The following KIF13A variants were observed in gnomAD, a reference collection of about 807,000 sequenced individuals.
The protein encoded by KIF13A is kinesin family member 13A.
A neutral mutation model predicts 212.2 loss-of-function variants in KIF13A; 79 were observed. That is an observed-to-expected ratio of 0.37 (90% CI 0.31 to 0.45). The LOEUF (loss-of-function observed/expected upper bound fraction) is 0.45, where lower values mean the gene tolerates loss of function less well. Among genes scored for constraint, KIF13A ranks in the 20% least tolerant of loss-of-function variants. KIF13A has a pLI of 1.00. For missense variants in KIF13A, 1,901 were observed against 2,209.0 expected (o/e 0.86, Z 2.79); for synonymous variants, 789 against 808.6 (o/e 0.98, Z 0.41).
chr6:17,822,815 A>T (rs532800056), intron 16 of KIF13A, among the ~76,000 whole-genome samples: 1 of 152,314 alleles, frequency 6.6e-6, no homozygotes, highest in African/African-American at 2.4e-5. Context: ...TGTGATTCTG[A>T]TGTCTGAACG....
intron 2 of KIF13A, among the ~76,000 whole-genome samples, chr6:17,902,373 C>T (rs925534687): frequency 1.2e-4 from 18 of 152,120 alleles, no homozygotes; most frequent in African/African-American, 1.9e-4. Context: ...AAACTAAATA[C>T]AATTTGACAT....
intron 2 of KIF13A, among the ~76,000 whole-genome samples, chr6:17,930,607 G>A (rs779196939): frequency 1.3e-5 from 2 of 152,202 alleles, no homozygotes; most frequent in Non-Finnish European, 2.9e-5. Context: ...ATGGAAGGTA[G>A]ACTAGAAGAA....
chr6:17,872,151 T>C lies in KIF13A; in HGVS notation c.220+1226A>G, dbSNP rs372601213. Among the ~76,000 whole-genome samples the C allele has an allele frequency of 1.3e-5, 2 of 152,214 alleles. No homozygotes were observed. The highest frequency in any genetic ancestry group is 2.9e-5 in the Non-Finnish European group (2 of 68,032). On this transcript the variant is annotated intron_variant, in intron 4 of 38. Transcript: ENST00000259711. This position sits in a 1 kb window ranked among gnomAD's most constrained non-coding sequence, Gnocchi z 4.7. The stretch of plus-strand genomic sequence containing the variant: ...TACCCAGTGTGAGCAACTGAAGGAA[T>C]TCTCCTAGTCCAAGATTGTTAACTC...
At chr6:17,762,733 T>C (rs79315679), downstream of KIF13A, among the ~76,000 whole-genome samples, 899 of 152,316 alleles carry the variant, frequency 5.9e-3, 10 homozygotes, top group Middle Eastern at 0.034. Flanking sequence ...AATGCATGTA[T>C]TGCTTGCAAG....
chr6:17,863,792 T>G (rs1769089107), intron 4 of KIF13A, among the ~76,000 whole-genome samples: 1 of 151,790 alleles, frequency 6.6e-6, no homozygotes, highest in South Asian at 2.1e-4. Context: ...AGGATTTTTG[T>G]TTTTTTTGTT....
chr6:17,985,330 G>A (rs1781449717), intron 2 of KIF13A, among the ~76,000 whole-genome samples: 1 of 152,130 alleles, frequency 6.6e-6, no homozygotes, highest in Admixed American at 6.6e-5. Flanking sequence ...ACGTGGTTCA[G>A]CCCGAAAAAT....
Position 17,787,652 on chromosome 6 carries a change from AAACAACAAC to A in KIF13A, c.3361+115_3361+123del. ...GGTGACAGAGTGAGACCCTGTCTTA[AAACAACAAC>A]AACAACAACAACAAAAATAAGATAC... On this transcript the variant is annotated intron_variant, in intron 27 of 38. Transcript: ENST00000259711. This position sits in a 1 kb window ranked among gnomAD's most constrained non-coding sequence, Gnocchi z 4.6. 1.7e-6 allele frequency: 1 copy of A among 572,820 alleles called. No homozygotes were observed. The highest frequency in any genetic ancestry group is 2.0e-5 in the South Asian group (1 of 49,528). The allele number at this position is 572,820 out of a possible 1,614,324, so 35.5% of individuals were successfully genotyped here.
chr6:17,858,111 GTGC>G (rs1293338230), intron 4 of KIF13A, among the ~76,000 whole-genome samples: 332 of 137,658 alleles, frequency 2.4e-3, no homozygotes, highest in Non-Finnish European at 4.3e-3. Context: ...GTGTGTGTGT[GTGC>G]ATGCACGCAT....
chr6:17,812,737 C>G (rs1182422704), intron 17 of KIF13A: 1 of 152,174 alleles, frequency 6.6e-6, no homozygotes, highest in East Asian at 1.9e-4. Context: ...GTTTTTAGCT[C>G]TTTAAAAAAT....
chr6:17,941,789 C>CTT (rs201442914), intron 2 of KIF13A, among the ~76,000 whole-genome samples: 1 of 138,458 alleles, frequency 7.2e-6, no homozygotes. Flanking sequence ...AATACATTTG[C>CTT]TTTTTTTTTT....
chr6:17,918,259 G>A lies in KIF13A; in HGVS notation c.147-20079C>T, dbSNP rs183099934. On this transcript the variant is annotated intron_variant, in intron 2 of 38. Coordinates refer to ENST00000259711, the MANE Select transcript of KIF13A (RefSeq NM_022113.6). This position sits in a 1 kb window ranked among gnomAD's most constrained non-coding sequence, Gnocchi z 4.8. ...TCGGGTCTGGCATAGTGCTTGACGTGCAGCAGAGGATAAATGTTTACTGAA... is the reference window on the plus strand; with the variant it reads ...TCGGGTCTGGCATAGTGCTTGACGTACAGCAGAGGATAAATGTTTACTGAA... Among the ~76,000 whole-genome samples, 1 of 152,172 alleles carries A rather than the reference G, an allele frequency of 6.6e-6. No individual in the cohort carries two copies. Among genetic ancestry groups the A allele is most frequent in the East Asian group, 1.9e-4 (1 of 5,158 alleles).
intron 2 of KIF13A, among the ~76,000 whole-genome samples, chr6:17,957,171 C>T (rs1273777838): frequency 1.3e-5 from 2 of 152,174 alleles, no homozygotes; most frequent in Non-Finnish European, 2.9e-5. Flanking sequence ...TGTGAGCCAT[C>T]GCACCAGGTC....
chr6:17,792,701 T>G (rs1761698169), intron 25 of KIF13A, among the ~76,000 whole-genome samples: 1 of 152,166 alleles, frequency 6.6e-6, no homozygotes, highest in African/African-American at 2.4e-5. Context: ...CTGAATGAAG[T>G]GTGGACAGAT....
At chr6:17,948,374 C>T (rs1417221444) in intron 2 of KIF13A, among the ~76,000 whole-genome samples, 2 of 152,134 alleles carry the variant, frequency 1.3e-5, no homozygotes, top group African/African-American at 2.4e-5. Flanking sequence ...TAAAAGAGCA[C>T]AGTTTTCTTT....
rs1328586238 is a variant in KIF13A at position 17,947,790 on chromosome 6, G to A, written c.146+39264C>T. Among the ~76,000 whole-genome samples, 1 of 152,000 alleles carries A rather than the reference G, an allele frequency of 6.6e-6. No individual in the cohort carries two copies. The highest frequency in any genetic ancestry group is 1.9e-4 in the East Asian group (1 of 5,196). On this transcript the variant is annotated intron_variant, in intron 2 of 38. Transcript: ENST00000259711. This position sits in a 1 kb window ranked among gnomAD's most constrained non-coding sequence, Gnocchi z 4.6. ...TAAGAAGTGGAGGTTGCAGTGAGCC[G>A]AGATTGCGCCATTGCGCTCCAGCCT...
At chr6:17,760,936 C>T (rs1203631391), downstream of KIF13A, 21 of 1,578,084 alleles carry the variant, frequency 1.3e-5, no homozygotes, top group Non-Finnish European at 1.4e-5. Context: ...ACCCCACCCA[C>T]AGCACCTACT....
Position 17,804,464 on chromosome 6 carries a change from T to C in KIF13A, c.2351A>G (p.Gln784Arg). ...CACCCCGATGAGGTTGTGATTTTCT[T>C]GGGCTTCATAGAAAGGGTCACCTCG... ...GKRGDPFYEA[Q>R]ENHNLIGVAN... Residue 784 changes from glutamine to arginine, a missense_variant, in exon 20 of 39, where the codon CAA (glutamine) becomes CGA (arginine). Coordinates refer to ENST00000259711, the MANE Select transcript of KIF13A (RefSeq NM_022113.6). 1 of 1,592,986 alleles carries C rather than the reference T, an allele frequency of 6.3e-7. No individual in the cohort carries two copies. Among genetic ancestry groups the C allele is most frequent in the Non-Finnish European group, 8.6e-7 (1 of 1,169,050 alleles).
At chr6:17,874,681 T>C (rs963837864) in intron 3 of KIF13A, among the ~76,000 whole-genome samples, 7 of 151,992 alleles carry the variant, frequency 4.6e-5, no homozygotes, top group Non-Finnish European at 8.8e-5. Context: ...GTTAGTTCTT[T>C]AGTGGTGATT....
rs945208235 is a variant in KIF13A, at chr6:17,786,605, TAAAAATAA to T, written c.3362-972_3362-965del. ...ACAGAGGGAGACTCCATCTCAAAAA[TAAAAATAA>T]AAAAATAAAAAACCCACCATATATC... On this transcript the variant is annotated intron_variant, in intron 27 of 38. Coordinates refer to ENST00000259711, the MANE Select transcript of KIF13A (RefSeq NM_022113.6). The surrounding 1 kb of genome is among the most constrained non-coding windows in gnomAD (Gnocchi z 5.4). 2.0e-5 allele frequency among the ~76,000 whole-genome samples: 3 copies of T among 151,616 alleles called. No individual in the cohort carries two copies. The highest frequency in any genetic ancestry group is 4.4e-5 in the Non-Finnish European group (3 of 67,900).
Sources: allele counts gnomAD v4.1 joint callset (sites outside exome capture counted in the v4.1 genomes callset), GRCh38; gene constraint gnomAD v4.1.1; non-coding constraint Gnocchi (gnomAD v3.1); transcripts MANE v1.5; gene names NCBI Gene and HGNC (gene_info 2026-07-23, HGNC 2026-07-21).